Variants in RB1CC1 observed in about 807,000 individuals in gnomAD.
The protein encoded by RB1CC1 is RB1 inducible coiled-coil 1.
In RB1CC1, 46 loss-of-function variants were observed where a neutral mutation model predicts 177.5. The observed-to-expected ratio is 0.26, with a 90% CI of 0.20 to 0.33. The LOEUF is 0.33. RB1CC1 is among the 10% of genes least tolerant of loss of function. RB1CC1 has a pLI of 1.00. For missense variants in RB1CC1, 1,703 were observed against 1,816.3 expected (o/e 0.94, Z 1.13); for synonymous variants, 666 against 613.6 (o/e 1.09, Z -1.26).
chr8:52,630,380 G>T, intron 21 of RB1CC1, 90 bp downstream of exon 21: 1 of 1,439,102 alleles, frequency 6.9e-7, no homozygotes, highest in South Asian at 1.4e-5. Flanking sequence ...AATGAACCTG[G>T]ACCTGAATTA....
intron 1 of RB1CC1, among the ~76,000 whole-genome samples, chr8:52,690,042 C>A (rs1454562623): frequency 6.6e-6 from 1 of 152,114 alleles, no homozygotes; most frequent in African/African-American, 2.4e-5. Context: ...ATGAAACGCA[C>A]TTAACAGATT....
chr8:52,705,772 G>A (rs1301337199), intron 1 of RB1CC1, among the ~76,000 whole-genome samples: 1 of 152,130 alleles, frequency 6.6e-6, no homozygotes, highest in African/African-American at 2.4e-5. Flanking sequence ...GGAGCTGGAG[G>A]CTACAGTGAG....
chr8:52,632,001 T>C (rs978145699), intron 20 of RB1CC1, among the ~76,000 whole-genome samples: 5 of 152,148 alleles, frequency 3.3e-5, no homozygotes, highest in Admixed American at 3.3e-4. Context: ...TGTCTCAGTT[T>C]AAAAAAATTT....
At chr8:52,653,002 AAG>A (rs1490843886) in intron 15 of RB1CC1, among the ~76,000 whole-genome samples, 2 of 152,184 alleles carry the variant, frequency 1.3e-5, no homozygotes, top group African/African-American at 4.8e-5. Flanking sequence ...GGTTGTGGTG[AAG>A]AGAGATCACG....
chr8:52,626,369 A>C (rs1055800067), intron 22 of RB1CC1, among the ~76,000 whole-genome samples: 3 of 152,200 alleles, frequency 2.0e-5, no homozygotes, highest in Non-Finnish European at 4.4e-5. Context: ...AGATTTAAAC[A>C]CTGAAGTCTT....
chr8:52,670,856 CG>C (rs1238815930), intron 7 of RB1CC1, among the ~76,000 whole-genome samples: 2 of 151,474 alleles, frequency 1.3e-5, no homozygotes, highest in African/African-American at 2.4e-5. Flanking sequence ...GGTGTGGTGG[CG>C]GGTGCCTGTA....
intron 9 of RB1CC1, 64 bp downstream of exon 9, chr8:52,661,471 T>A: frequency 6.7e-7 from 1 of 1,493,812 alleles, no homozygotes; most frequent in Non-Finnish European, 9.0e-7. Context: ...CTCCATCATT[T>A]GGGAGAAATA....
At position 52,683,722 on chromosome 8, in the gene RB1CC1, A is replaced by G. The variant is rs1437815957; in HGVS notation, c.199-3T>C. The G allele has an allele frequency of 1.3e-5, 20 of 1,571,154 alleles. No homozygotes were observed. The highest frequency in any genetic ancestry group is 2.3e-5 in the East Asian group (1 of 44,340). On this transcript the variant is annotated splice_polypyrimidine_tract_variant and splice_region_variant and intron_variant, in intron 4 of 23. Transcript: ENST00000025008. Reference sequence around the variant, plus strand: ...AAAAGAAAAATTGGATTTGTATCCTATATTTTTTAAAAAAGGAGAAATAAC... The same window carrying G: ...AAAAGAAAAATTGGATTTGTATCCTGTATTTTTTAAAAAAGGAGAAATAAC...
chr8:52,657,485 C>T lies in RB1CC1; in HGVS notation c.2344G>A (p.Val782Ile), dbSNP rs1851182777. 1 of 1,613,792 alleles carries T rather than the reference C, an allele frequency of 6.2e-7. No individual in the cohort carries two copies. The highest frequency in any genetic ancestry group is 1.3e-5 in the African/African-American group (1 of 75,050). ...TCTCCAAAATCCTCCTTACCACATA[C>T]ATTTGTATCCTGCATTCGTCTACTG... ...IDSRRMQDTN[V>I]CGKEDFGDHT... The change falls in exon 15 of 24, where the codon GTA (valine) becomes ATA (isoleucine). Residue 782 changes from valine to isoleucine, a missense_variant. Transcript: ENST00000025008.
intron 7 of RB1CC1, 115 bp downstream of exon 7, chr8:52,673,730 G>A: frequency 1.0e-6 from 1 of 972,102 alleles, no homozygotes; most frequent in Non-Finnish European, 1.5e-6. Context: ...TTCACTCCAA[G>A]ACTCATTTAT....
At chr8:52,649,089 G>C (rs1011237190) in intron 15 of RB1CC1, among the ~76,000 whole-genome samples, 5 of 152,090 alleles carry the variant, frequency 3.3e-5, no homozygotes, top group Non-Finnish European at 7.4e-5. Flanking sequence ...TCGAACCATG[G>C]GGTAAGTGAA....
In RB1CC1 at chr8:52,657,628, G is replaced by A; in HGVS notation, c.2201C>T (p.Ser734Phe). The A allele has an allele frequency of 6.2e-7, 1 of 1,614,086 alleles. No homozygotes were observed. Among genetic ancestry groups the A allele is most frequent in the Non-Finnish European group, 8.5e-7 (1 of 1,180,004 alleles). The change falls in exon 15 of 24, where the codon TCT becomes TTT. Residue 734 changes from serine to phenylalanine, a missense_variant. Physicochemically the swap from Ser to Phe is radical, Grantham distance 155. Coordinates refer to ENST00000025008, the MANE Select transcript of RB1CC1 (RefSeq NM_014781.5). ...LAESPESDFMSAVNEFVIEEN... is the reference protein window; with the variant it reads ...LAESPESDFMFAVNEFVIEEN... ...TTCTATTACAAACTCATTCACAGCA[G>A]ACATAAAATCTGATTCAGGACTTTC...
At chr8:52,665,068 T>C (rs1408067946) in intron 8 of RB1CC1, among the ~76,000 whole-genome samples, 1 of 152,152 alleles carries the variant, frequency 6.6e-6, no homozygotes, top group Non-Finnish European at 1.5e-5. Context: ...GAAACAGTTA[T>C]AAAGAAATCT....
At chr8:52,629,689 A>C (rs931292597) in intron 21 of RB1CC1, among the ~76,000 whole-genome samples, 2 of 152,176 alleles carry the variant, frequency 1.3e-5, no homozygotes, top group Non-Finnish European at 2.9e-5. Context: ...TGCTACCTGG[A>C]GGCTTCATCT....
chr8:52,706,401 T>C (rs962938633), intron 1 of RB1CC1, among the ~76,000 whole-genome samples: 4 of 149,944 alleles, frequency 2.7e-5, no homozygotes, highest in Non-Finnish European at 5.9e-5. Flanking sequence ...CTCAGTCACC[T>C]AGGGGCTGGG....
chr8:52,711,734 T>C (rs1020044107), intron 1 of RB1CC1, among the ~76,000 whole-genome samples: 3 of 152,250 alleles, frequency 2.0e-5, no homozygotes, highest in Non-Finnish European at 2.9e-5. Flanking sequence ...TTCCTTACTA[T>C]GACTTCCAAA....
chr8:52,654,621 G>A (rs896634), intron 15 of RB1CC1, among the ~76,000 whole-genome samples: 1 of 152,034 alleles, frequency 6.6e-6, no homozygotes, highest in Non-Finnish European at 1.5e-5. Flanking sequence ...GCTTGAAAAG[G>A]GCTCTCCTGA....
chr8:52,676,042 A>G (rs1853094507), intron 6 of RB1CC1, among the ~76,000 whole-genome samples: 1 of 152,062 alleles, frequency 6.6e-6, no homozygotes, highest in Non-Finnish European at 1.5e-5. Flanking sequence ...GTTAGATGTT[A>G]TTTTTCACAT....
chr8:52,671,247 G>A (rs1852561674), intron 7 of RB1CC1, among the ~76,000 whole-genome samples: 1 of 152,052 alleles, frequency 6.6e-6, no homozygotes. Flanking sequence ...AATTTCCTGA[G>A]AAAGACATTT....
Sources: gnomAD v4.1 joint callset for allele counts (sites outside exome capture counted in the v4.1 genomes callset) on GRCh38, gnomAD v4.1.1 for gene constraint, MANE v1.5 for transcripts, NCBI Gene and HGNC (gene_info 2026-07-23, HGNC 2026-07-21) for gene names.